SPTA1: variants seen among roughly 807,000 people sequenced by gnomAD.
SPTA1 encodes the protein spectrin alpha chain, erythrocytic 1.
Under a neutral mutation model 324.7 loss-of-function variants are expected in SPTA1, and 177 were observed. That is an observed-to-expected ratio of 0.55 (90% CI 0.48 to 0.62). SPTA1 has a LOEUF of 0.62. SPTA1 is among the 20% of genes least tolerant of loss of function. SPTA1 has a pLI of 0.00. For missense variants in SPTA1, 3,162 were observed against 2,883.6 expected, an observed-to-expected ratio of 1.10 and a Z score of -2.21; for synonymous variants, 1,195 against 1,041.3, an observed-to-expected ratio of 1.15 and a Z score of -2.84.
rs1177353050 is a variant in SPTA1, at chr1:158,659,595, A to ATTTTTTTTTTTTTTTTTTTTTTTTTTTTT, written c.2587+1691_2587+1692insAAAAAAAAAAAAAAAAAAAAAAAAAAAAA. 8.7e-5 allele frequency among the ~76,000 whole-genome samples: 6 copies of ATTTTTTTTTTTTTTTTTTTTTTTTTTTTT among 68,780 alleles called. 2 individuals are homozygous for ATTTTTTTTTTTTTTTTTTTTTTTTTTTTT. The highest frequency in any genetic ancestry group is 1.3e-4 in the Non-Finnish European group (4 of 30,036). The allele number at this position is 68,780 out of a possible 152,430, so 45.1% of individuals were successfully genotyped here. A position where few individuals can be genotyped will look rare whatever the true frequency, so the allele number is the denominator to read the frequency against. ...AAAAGAAAATAATAGTCTTAGCATT[A>ATTTTTTTTTTTTTTTTTTTTTTTTTTTTT]TTTTTTTTTTTTTTTTTTTTTTTTT... On this transcript the variant is annotated intron_variant, in intron 18 of 51. Coordinates refer to ENST00000643759, the MANE Select transcript of SPTA1 (RefSeq NM_003126.4).
At chr1:158,670,775 C>A (rs1231968184) in intron 12 of SPTA1, among the ~76,000 whole-genome samples, 7 of 151,518 alleles carry the variant, frequency 4.6e-5, no homozygotes, top group African/African-American at 1.7e-4. Flanking sequence ...TAAAGATATA[C>A]TATAAAGGAA....
intron 6 of SPTA1, among the ~76,000 whole-genome samples, chr1:158,678,043 G>A (rs995985454): frequency 2.6e-5 from 4 of 152,120 alleles, no homozygotes; most frequent in African/African-American, 7.2e-5. Flanking sequence ...TGACAGCTGA[G>A]CCTCTAGAGA....
At chr1:158,646,578 A>C (rs1026673627) in intron 27 of SPTA1, among the ~76,000 whole-genome samples, 2 of 152,212 alleles carry the variant, frequency 1.3e-5, no homozygotes, top group Admixed American at 1.3e-4. Context: ...GAGTAAAATA[A>C]GATGTTAATG....
Position 158,613,721 on chromosome 1 carries a change from C to A in SPTA1, c.6989G>T (p.Arg2330Met). The change falls in exon 50 of 52, where the codon AGG becomes ATG. Residue 2330 changes from arginine (R) to methionine (M), a missense_variant and splice_region_variant. By Grantham distance (91) the Arg-to-Met change is moderately conservative. Transcript: ENST00000643759. ...GTCTGACCCTTAGTCTTGTTCCTAC[C>A]TCCCTGGATCCACAGCATCCAGGAA... is the stretch of plus-strand genomic sequence containing the variant. ...EKFLDAVDPG[R>M]KGYVSLEDYT... The A allele has an allele frequency of 6.2e-7, 1 of 1,613,716 alleles. No individual in the cohort carries two copies. The highest frequency in any genetic ancestry group is 8.5e-7 in the Non-Finnish European group (1 of 1,179,760).
At chr1:158,677,948 T>C in intron 6 of SPTA1, 114 bp from the exon 7 acceptor site, 2 of 1,312,928 alleles carry the variant, frequency 1.5e-6, no homozygotes, top group Non-Finnish European at 2.2e-6. Context: ...CAATTATCCT[T>C]TCTTCCTACA....
rs1024368941 is a variant in SPTA1, at chr1:158,613,570, G to T, written c.6989+151C>A. On this transcript the variant is annotated intron_variant, in intron 50 of 51. Transcript: ENST00000643759. Reference sequence around the variant, plus strand: ...TCACTGCTGAGCTAATCTTGAAAGGGCACCAAGAGCTGCCTAATTCATTTA... The same window carrying T: ...TCACTGCTGAGCTAATCTTGAAAGGTCACCAAGAGCTGCCTAATTCATTTA... 1.3e-5 allele frequency: 14 copies of T among 1,057,206 alleles called. No homozygotes were observed. In the African/African-American group the frequency reaches 2.0e-4, roughly 15 times the overall value. The allele number at this position is 1,057,206 out of a possible 1,614,324, so 65.5% of individuals were successfully genotyped here. A position where few individuals can be genotyped will look rare whatever the true frequency, so the allele number is the denominator to read the frequency against.
At chr1:158,648,999 A>G (rs1247549264) in intron 25 of SPTA1, among the ~76,000 whole-genome samples, 1 of 152,148 alleles carries the variant, frequency 6.6e-6, no homozygotes, top group Non-Finnish European at 1.5e-5. Flanking sequence ...TCATATTTCC[A>G]TAGCTTTCTA....
At chr1:158,669,863 T>A in intron 12 of SPTA1, 77 bp from the exon 13 acceptor site, 1 of 1,443,184 alleles carries the variant, frequency 6.9e-7, no homozygotes, top group South Asian at 1.1e-5. Context: ...GGGTAGCTGT[T>A]TAAAGATGAA....
At chr1:158,684,776 C>T (rs1655049104) in intron 2 of SPTA1, among the ~76,000 whole-genome samples, 1 of 152,098 alleles carries the variant, frequency 6.6e-6, no homozygotes, top group Admixed American at 6.6e-5. Flanking sequence ...TATCAATAAG[C>T]AATATCCTTG....
At position 158,667,743 on chromosome 1, in the gene SPTA1, A is replaced by T. The variant is rs78962878; in HGVS notation, c.2038+115T>A. 1,931 of 1,106,306 alleles carry T rather than the reference A, an allele frequency of 1.7e-3. 24 individuals carry two copies. In the African/African-American group the frequency reaches 0.027, roughly 15 times the overall value. 68.5% of individuals were successfully genotyped at this position (1,106,306 alleles called of 1,614,324 possible). A position where few individuals can be genotyped will look rare whatever the true frequency, so the allele number is the denominator to read the frequency against. On this transcript the variant is annotated intron_variant, in intron 15 of 51. Coordinates refer to ENST00000643759, the MANE Select transcript of SPTA1 (RefSeq NM_003126.4). Reference sequence around the variant, plus strand: ...AATAAAAGAAAGACACATGGAAGCAAATGAGTAGTATACCTTCTCATAGAG... The same window carrying T: ...AATAAAAGAAAGACACATGGAAGCATATGAGTAGTATACCTTCTCATAGAG...
At position 158,652,521 on chromosome 1, in the gene SPTA1, T is replaced by G; in HGVS notation, c.3321A>C (p.Gly1107=). 6.2e-7 allele frequency: 1 copy of G among 1,614,178 alleles called. No individual in the cohort carries two copies. Among genetic ancestry groups the G allele is most frequent in the Non-Finnish European group, 8.5e-7 (1 of 1,180,036 alleles). ...GCTCCCAAACATCATCTAGTTCCACTCCAGTGTTTTCTGCCTTTTTCTCTT... is the reference window on the plus strand; with the variant it reads ...GCTCCCAAACATCATCTAGTTCCACGCCAGTGTTTTCTGCCTTTTTCTCTT... The part of the protein sequence containing the change: ...WIQEKKAENT[G]VELDDVWELQ... Residue 1107 remains glycine, a synonymous_variant, in exon 23 of 52, where the codon GGA becomes GGC. Coordinates refer to ENST00000643759, the MANE Select transcript of SPTA1 (RefSeq NM_003126.4).
At chr1:158,683,545 G>A (rs1654959144) in intron 2 of SPTA1, 49 bp from the exon 3 acceptor site, 4 of 1,609,076 alleles carry the variant, frequency 2.5e-6, no homozygotes, top group Admixed American at 3.3e-5. Context: ...CAGTCTTCAT[G>A]GGAAATGTTC....
intron 36 of SPTA1, among the ~76,000 whole-genome samples, 188 bp from the exon 37 acceptor site, chr1:158,636,949 C>T (rs997878729): frequency 4.6e-5 from 7 of 152,126 alleles, no homozygotes; most frequent in African/African-American, 1.7e-4. Flanking sequence ...TCTGACTGAG[C>T]CAATACAAAT....
intron 21 of SPTA1, 101 bp from the exon 22 acceptor site, chr1:158,653,526 G>T: frequency 1.3e-6 from 2 of 1,518,364 alleles, no homozygotes; most frequent in Non-Finnish European, 9.0e-7. Context: ...ACAGGTTAAT[G>T]GCAAAGATAA....
chr1:158,654,555 G>A, intron 21 of SPTA1, 56 bp downstream of exon 21: 1 of 1,610,662 alleles, frequency 6.2e-7, no homozygotes, highest in Non-Finnish European at 8.5e-7. Context: ...GCAGGATTGG[G>A]AGAGATGGTT....
intron 11 of SPTA1, 31 bp from the exon 12 acceptor site, chr1:158,671,484 G>A (rs1654022421): frequency 1.9e-6 from 3 of 1,555,604 alleles, no homozygotes; most frequent in South Asian, 1.1e-5. Context: ...CACCTAAGCT[G>A]TGTCTGACCG....
At chr1:158,650,711 T>A (rs1265140618) in intron 24 of SPTA1, among the ~76,000 whole-genome samples, 1 of 152,112 alleles carries the variant, frequency 6.6e-6, no homozygotes, top group African/African-American at 2.4e-5. Context: ...GAAAGAGAGG[T>A]GAGTATGTGT....
intron 9 of SPTA1, 54 bp downstream of exon 9, chr1:158,674,486 C>T: frequency 6.2e-7 from 1 of 1,614,074 alleles, no homozygotes; most frequent in Non-Finnish European, 8.5e-7. Flanking sequence ...GCATTTCTGG[C>T]ATTCAGCCAA....
intron 39 of SPTA1, among the ~76,000 whole-genome samples, chr1:158,629,652 A>G (rs747677182): frequency 2.0e-5 from 3 of 152,062 alleles, no homozygotes; most frequent in Non-Finnish European, 2.9e-5. Flanking sequence ...CACTATTTCT[A>G]TTTAAGATAG....
Sources: gnomAD v4.1 joint callset for allele counts (sites outside exome capture counted in the v4.1 genomes callset) on GRCh38, gnomAD v4.1.1 for gene constraint, MANE v1.5 for transcripts, NCBI Gene and HGNC (gene_info 2026-07-23, HGNC 2026-07-21) for gene names.